The following EML6 variants were observed in gnomAD, a reference collection of about 807,000 sequenced individuals.
The protein encoded by EML6 is echinoderm microtubule-associated protein-like 6.
EML6 carries 154 observed loss-of-function variants against 240.1 expected under a neutral mutation model. The observed-to-expected ratio is 0.64, with a 90% CI of 0.56 to 0.73. The LOEUF is 0.73. Ranked by LOEUF, EML6 falls within the 30% of genes least tolerant of loss-of-function variation. EML6 has a pLI of 0.00. For synonymous variants in EML6, 1,148 were observed against 899.0 expected (o/e 1.28, Z -4.95); for missense variants, 2,964 against 2,474.6 (o/e 1.20, Z -4.20).
At chr2:54,909,052 A>G (rs779087005) in intron 24 of EML6, among the ~76,000 whole-genome samples, 1 of 152,208 alleles carries the variant, frequency 6.6e-6, no homozygotes, top group Non-Finnish European at 1.5e-5. Context: ...TTTGGTTTTA[A>G]GTGAAGTATG....
intron 40 of EML6, 71 bp downstream of exon 40, chr2:54,968,352 C>T: frequency 1.5e-6 from 2 of 1,366,334 alleles, no homozygotes; most frequent in South Asian, 2.5e-5. Flanking sequence ...GGGGCCACGT[C>T]TAGATGGCCC....
intron 17 of EML6, among the ~76,000 whole-genome samples, chr2:54,883,714 A>G (rs891830827): frequency 1.3e-5 from 2 of 152,188 alleles, no homozygotes; most frequent in African/African-American, 4.8e-5. Flanking sequence ...TTGCTTACAC[A>G]TACACACATG....
chr2:54,908,496 A>G (rs1338402488), intron 24 of EML6, among the ~76,000 whole-genome samples: 1 of 152,200 alleles, frequency 6.6e-6, no homozygotes, highest in African/African-American at 2.4e-5. Context: ...GAGATATTTT[A>G]TAGAATCCAA....
At chr2:54,912,348 C>T (rs971404606) in intron 25 of EML6, among the ~76,000 whole-genome samples, 3 of 152,144 alleles carry the variant, frequency 2.0e-5, no homozygotes, top group Non-Finnish European at 2.9e-5. Flanking sequence ...TTTTTAATTA[C>T]GTCCTTCATT....
chr2:54,947,115 T>C (rs1412090272), intron 28 of EML6, among the ~76,000 whole-genome samples: 6 of 152,154 alleles, frequency 3.9e-5, no homozygotes, highest in Non-Finnish European at 8.8e-5. Context: ...AGCCATGCCA[T>C]AGTTCCAGTG....
At chr2:54,932,771 C>A (rs765009267) in intron 28 of EML6, among the ~76,000 whole-genome samples, 1 of 152,168 alleles carries the variant, frequency 6.6e-6, no homozygotes, top group Non-Finnish European at 1.5e-5. Flanking sequence ...TTCCCCAATT[C>A]GTCAAGTGAT....
intron 2 of EML6, among the ~76,000 whole-genome samples, chr2:54,736,098 G>A (rs1683376807): frequency 6.6e-6 from 1 of 152,210 alleles, no homozygotes; most frequent in Non-Finnish European, 1.5e-5. Context: ...CAGAATGACA[G>A]ATGAGAGTGA....
chr2:54,899,639 A>T lies in EML6; in HGVS notation c.2983-2A>T. On this transcript the variant is annotated splice_acceptor_variant, in intron 21 of 41. Coordinates refer to ENST00000356458, the MANE Select transcript of EML6 (RefSeq NM_001039753.4). LOFTEE classifies it high-confidence loss of function. ...TATGTTGCCCCTTTTCCTCTCCCAC[A>T]GGGGCACATGGAAGGAGAAGTGTGG... 2 of 1,552,846 alleles carry T rather than the reference A, an allele frequency of 1.3e-6. No homozygotes were observed. Among genetic ancestry groups the T allele is most frequent in the Non-Finnish European group, 1.7e-6 (2 of 1,147,616 alleles).
intron 2 of EML6, among the ~76,000 whole-genome samples, chr2:54,785,229 G>T (rs922841146): frequency 2.8e-5 from 4 of 144,442 alleles, no homozygotes; most frequent in African/African-American, 1.0e-4. Context: ...AGACTGGAGT[G>T]CAGTGGCGCA....
chr2:54,873,533 C>T (rs1190629736), intron 16 of EML6, among the ~76,000 whole-genome samples: 1 of 151,786 alleles, frequency 6.6e-6, no homozygotes, highest in Non-Finnish European at 1.5e-5. Flanking sequence ...GCAGTGAAAC[C>T]TAAAAGAAGC....
At chr2:54,949,414 C>G (rs1010869025) in intron 29 of EML6, among the ~76,000 whole-genome samples, 1 of 152,200 alleles carries the variant, frequency 6.6e-6, no homozygotes, top group Non-Finnish European at 1.5e-5. Context: ...GAGGGACGCA[C>G]CATTACTGTT....
At chr2:54,960,104 T>C (rs1181682579) in intron 34 of EML6, 116 bp from the exon 35 acceptor site, 2 of 768,272 alleles carry the variant, frequency 2.6e-6, no homozygotes, top group East Asian at 5.4e-5. Flanking sequence ...GGGTCTTTCC[T>C]TCTGGGCCCC....
intron 36 of EML6, 61 bp downstream of exon 36, chr2:54,962,772 G>A (rs1676579684): frequency 5.9e-6 from 8 of 1,346,096 alleles, no homozygotes; most frequent in Non-Finnish European, 7.8e-6. Flanking sequence ...AGTGGGAGCT[G>A]AGCGAGGAGA....
chr2:54,918,716 C>G (rs1037338214), intron 26 of EML6, among the ~76,000 whole-genome samples: 2 of 152,186 alleles, frequency 1.3e-5, no homozygotes, highest in African/African-American at 4.8e-5. Flanking sequence ...AATTTACCCC[C>G]CTGTACAGTC....
chr2:54,740,999 T>A (rs892788347), intron 2 of EML6, among the ~76,000 whole-genome samples: 22 of 152,344 alleles, frequency 1.4e-4, no homozygotes, highest in African/African-American at 4.8e-4. Context: ...TGGATTTTTT[T>A]ATAATCTATG....
At position 54,725,596 on chromosome 2, in the gene EML6, A is replaced by G. The variant is rs898352597; in HGVS notation, c.197+338A>G. ...TGAAACACTTCTTCCTTCCCTAACCAGGTGCACGGTAGGACCAATAACCTG... is the reference window on the plus strand; with the variant it reads ...TGAAACACTTCTTCCTTCCCTAACCGGGTGCACGGTAGGACCAATAACCTG... On this transcript the variant is annotated intron_variant, in intron 2 of 41. Transcript: ENST00000356458. The surrounding 1 kb of genome is among the most constrained non-coding windows in gnomAD (Gnocchi z 4.3). 6.6e-6 allele frequency among the ~76,000 whole-genome samples: 1 copy of G among 152,180 alleles called. No individual in the cohort carries two copies. The highest frequency in any genetic ancestry group is 1.5e-5 in the Non-Finnish European group (1 of 68,036).
chr2:54,801,374 T>TG (rs1670136338), intron 2 of EML6, among the ~76,000 whole-genome samples: 1 of 151,588 alleles, frequency 6.6e-6, no homozygotes, highest in South Asian at 2.1e-4. Flanking sequence ...CTATGACGTG[T>TG]CTGAGAATAT....
intron 7 of EML6, among the ~76,000 whole-genome samples, chr2:54,841,632 C>G (rs1669461902): frequency 6.7e-6 from 1 of 148,502 alleles, no homozygotes; most frequent in South Asian, 2.2e-4. Context: ...CTCTGTCGCC[C>G]AGGCTGGAGT....
chr2:54,860,571 C>G (rs994351946), intron 12 of EML6, among the ~76,000 whole-genome samples: 1 of 152,160 alleles, frequency 6.6e-6, no homozygotes, highest in African/African-American at 2.4e-5. Flanking sequence ...ATCAGTAACT[C>G]CAGATCTAAT....
Sources: allele counts gnomAD v4.1 joint callset (sites outside exome capture counted in the v4.1 genomes callset), GRCh38; gene constraint gnomAD v4.1.1; non-coding constraint Gnocchi (gnomAD v3.1); transcripts MANE v1.5; gene names NCBI Gene and HGNC (gene_info 2026-07-23, HGNC 2026-07-21).